The following TBCA variants were observed in gnomAD, a reference collection of about 807,000 sequenced individuals.
TBCA encodes tubulin-specific chaperone A.
TBCA carries 6 observed loss-of-function variants against 15.8 expected under a neutral mutation model. The observed-to-expected ratio is 0.38, with a 90% CI of 0.21 to 0.75. The LOEUF is 0.75. Ranked by LOEUF, TBCA falls within the 30% of genes least tolerant of loss-of-function variation. The pLI is 0.46. For synonymous variants in TBCA, 32 were observed against 42.3 expected (o/e 0.76, Z 0.94); for missense variants, 90 against 131.2 (o/e 0.69, Z 1.53).
chr5:77,725,663 G>A (rs1746616998), intron 1 of TBCA, among the ~76,000 whole-genome samples: 1 of 152,160 alleles, frequency 6.6e-6, no homozygotes, highest in Admixed American at 6.5e-5. Flanking sequence ...TTATGGGGCC[G>A]TTCCTCCGTA....
chr5:77,693,192 T>C (rs761337378), intron 3 of TBCA, 74 bp downstream of exon 3: 48 of 1,572,566 alleles, frequency 3.1e-5, no homozygotes, highest in Non-Finnish European at 3.9e-5. Context: ...CAGTGTTAAA[T>C]ATTTAAACTT....
chr5:77,750,015 A>G (rs1747279980), intron 1 of TBCA, among the ~76,000 whole-genome samples: 1 of 152,150 alleles, frequency 6.6e-6, no homozygotes, highest in Non-Finnish European at 1.5e-5. Context: ...GGAAAGAGAC[A>G]CCAAAAAATG....
At chr5:77,737,719 A>T (rs762462308) in intron 1 of TBCA, among the ~76,000 whole-genome samples, 18 of 152,164 alleles carry the variant, frequency 1.2e-4, no homozygotes, top group Non-Finnish European at 2.4e-4. Flanking sequence ...GAAACTGATA[A>T]TTTTTTCCAC....
intron 1 of TBCA, among the ~76,000 whole-genome samples, chr5:77,757,165 C>G (rs1344865636): frequency 6.6e-6 from 1 of 152,106 alleles, no homozygotes; most frequent in African/African-American, 2.4e-5. Context: ...TTGGTCAAAT[C>G]TGATGGGACA....
At chr5:77,697,161 T>A (rs778426469) in intron 2 of TBCA, among the ~76,000 whole-genome samples, 1 of 152,194 alleles carries the variant, frequency 6.6e-6, no homozygotes, top group Admixed American at 6.5e-5. Flanking sequence ...GGGATTTCAA[T>A]ACCCCACTCT....
Position 77,716,841 on chromosome 5 carries a change from A to G in TBCA, c.54-8494T>C, listed in dbSNP as rs1048143995. ...ACAGAATCCAGTTTTGCTTATGATC[A>G]GCCAAGAAGTCATGCCCTTCAAAGG... On this transcript the variant is annotated intron_variant, in intron 1 of 3. Coordinates refer to ENST00000380377, the MANE Select transcript of TBCA (RefSeq NM_004607.3). 2.6e-5 allele frequency among the ~76,000 whole-genome samples: 4 copies of G among 152,196 alleles called. No individual in the cohort carries two copies. The South Asian group carries it at 8.3e-4, about 32-fold the overall frequency.
intron 1 of TBCA, among the ~76,000 whole-genome samples, chr5:77,758,509 A>G (rs1747530600): frequency 6.6e-6 from 1 of 152,200 alleles, no homozygotes; most frequent in Admixed American, 6.5e-5. Flanking sequence ...GCTCACTCGG[A>G]GAGCTCGGAT....
chr5:77,758,706 G>C (rs1365759321), intron 1 of TBCA, among the ~76,000 whole-genome samples: 1 of 150,972 alleles, frequency 6.6e-6, no homozygotes, highest in Non-Finnish European at 1.5e-5. Context: ...TTACACTTGG[G>C]AGGTGAGCAT....
chr5:77,692,919 A>T (rs1745787726), intron 3 of TBCA: 2 of 1,238,070 alleles, frequency 1.6e-6, no homozygotes, highest in Non-Finnish European at 2.0e-6. Flanking sequence ...ATCTTTTAAA[A>T]TTTTAATCAG....
chr5:77,731,258 T>C (rs1025266492), intron 1 of TBCA, among the ~76,000 whole-genome samples: 2 of 152,172 alleles, frequency 1.3e-5, no homozygotes, highest in Non-Finnish European at 2.9e-5. Context: ...ATGTGCTTAT[T>C]TGCATTTCTT....
chr5:77,766,098 T>C (rs1235158178), intron 1 of TBCA, among the ~76,000 whole-genome samples: 2 of 152,092 alleles, frequency 1.3e-5, no homozygotes, highest in African/African-American at 4.8e-5. Flanking sequence ...GATTTCGACA[T>C]ACCTATGTCC....
intron 1 of TBCA, among the ~76,000 whole-genome samples, chr5:77,714,130 G>A (rs1461379922): frequency 1.3e-5 from 2 of 151,942 alleles, no homozygotes; most frequent in African/African-American, 4.8e-5. Context: ...AGATCAGCCT[G>A]CCCAACATGG....
intron 1 of TBCA, among the ~76,000 whole-genome samples, chr5:77,738,591 C>CT (rs997249947): frequency 3.9e-5 from 6 of 151,946 alleles, no homozygotes; most frequent in East Asian, 1.9e-4. Context: ...TCAGCTACTT[C>CT]TTTTTTTTGG....
At chr5:77,768,102 CT>C (rs1269406430) in intron 1 of TBCA, among the ~76,000 whole-genome samples, 1 of 152,298 alleles carries the variant, frequency 6.6e-6, no homozygotes, top group Non-Finnish European at 1.5e-5. Context: ...GCCTCTTCAT[CT>C]TGGACTTCCC....
intron 1 of TBCA, among the ~76,000 whole-genome samples, chr5:77,747,587 T>C (rs574740493): frequency 6.6e-6 from 1 of 152,264 alleles, no homozygotes; most frequent in African/African-American, 2.4e-5. Context: ...CTAATGTCTA[T>C]TAACAGCTTA....
At chr5:77,713,659 G>A (rs56413201) in intron 1 of TBCA, among the ~76,000 whole-genome samples, 22,535 of 152,074 alleles carry the variant, frequency 0.15, 2,201 homozygotes, top group East Asian at 0.35. Flanking sequence ...AGTTATTAGT[G>A]AATGACAAAA....
intron 1 of TBCA, among the ~76,000 whole-genome samples, chr5:77,751,170 T>C (rs1394518592): frequency 5.6e-5 from 8 of 142,868 alleles, no homozygotes; most frequent in Non-Finnish European, 1.2e-4. Flanking sequence ...TTTTTTTTTT[T>C]TTTTTTTTTT....
intron 1 of TBCA, among the ~76,000 whole-genome samples, chr5:77,741,030 T>C (rs1747018555): frequency 6.6e-6 from 1 of 152,162 alleles, no homozygotes; most frequent in African/African-American, 2.4e-5. Flanking sequence ...GAAAACAGGA[T>C]GAAAGCTTTT....
chr5:77,760,383 C>A (rs906786351), intron 1 of TBCA, among the ~76,000 whole-genome samples: 2 of 152,102 alleles, frequency 1.3e-5, no homozygotes, highest in African/African-American at 2.4e-5. Context: ...TCCCTTCCTT[C>A]CTCCTTTTTC....
Sources: gnomAD v4.1 joint callset for allele counts (sites outside exome capture counted in the v4.1 genomes callset) on GRCh38, gnomAD v4.1.1 for gene constraint, MANE v1.5 for transcripts, NCBI Gene and HGNC (gene_info 2026-07-23, HGNC 2026-07-21) for gene names.